PDS5B: variants seen among roughly 807,000 people sequenced by gnomAD.
The protein encoded by PDS5B is sister chromatid cohesion protein PDS5 homolog B.
In PDS5B, 51 loss-of-function variants were observed where a neutral mutation model predicts 184.1. That is an observed-to-expected ratio of 0.28 (90% confidence interval 0.22 to 0.35). PDS5B has a LOEUF of 0.35. Ranked by LOEUF, PDS5B falls within the 10% of genes least tolerant of loss-of-function variation. The pLI, the probability that PDS5B is intolerant of heterozygous loss-of-function variation, is 1.00. For synonymous variants in PDS5B, 566 were observed against 569.2 expected (o/e 0.99, Z 0.08); for missense variants, 1,180 against 1,723.3 (o/e 0.68, Z 5.58).
At chr13:32,648,962 G>C (rs2140655181) in intron 2 of PDS5B, 82 bp downstream of exon 2, 1 of 749,784 alleles carries the variant, frequency 1.3e-6, no homozygotes, top group Non-Finnish European at 2.4e-6. Flanking sequence ...AATGTATCTT[G>C]TTGGGGTAAC....
At chr13:32,758,261 T>G in intron 27 of PDS5B, 42 bp downstream of exon 27, 2 of 1,414,632 alleles carry the variant, frequency 1.4e-6, no homozygotes, top group Non-Finnish European at 1.9e-6. Context: ...CATATTGATT[T>G]AAAAATTTAG....
intron 20 of PDS5B, among the ~76,000 whole-genome samples, chr13:32,732,470 T>C (rs1315475551): frequency 6.6e-6 from 1 of 152,018 alleles, no homozygotes; most frequent in African/African-American, 2.4e-5. Flanking sequence ...TATATTTGTA[T>C]TTGGAGACTA....
In PDS5B at chr13:32,672,736, A is replaced by G. The variant is rs143414872; in HGVS notation, c.706-480A>G. 3.0e-4 allele frequency among the ~76,000 whole-genome samples: 45 copies of G among 152,234 alleles called. 1 individual carries two copies. The East Asian group carries it at 3.3e-3, about 11-fold the overall frequency. ...TCACTTTCCTTTGCCTTTTTGTTCT[A>G]TTGGGCCTTCCAGCCTATTTGGATG... On this transcript the variant is annotated intron_variant, in intron 7 of 34. Coordinates refer to ENST00000315596, the MANE Select transcript of PDS5B (RefSeq NM_015032.4).
intron 1 of PDS5B, among the ~76,000 whole-genome samples, chr13:32,591,728 T>G (rs1039891942): frequency 9.2e-5 from 14 of 152,164 alleles, no homozygotes; most frequent in Admixed American, 2.6e-4. Context: ...AACATTTGTT[T>G]ATATGCTTAT....
chr13:32,623,699 T>A (rs2058332602), intron 1 of PDS5B, among the ~76,000 whole-genome samples: 1 of 152,168 alleles, frequency 6.6e-6, no homozygotes, highest in East Asian at 1.9e-4. Flanking sequence ...TCCCTTTTCT[T>A]TGCTTGCATT....
intron 1 of PDS5B, among the ~76,000 whole-genome samples, chr13:32,600,392 T>A (rs1177289483): frequency 6.6e-6 from 1 of 152,196 alleles, no homozygotes; most frequent in African/African-American, 2.4e-5. Context: ...AGTGGCTGAT[T>A]ATATTGAATT....
chr13:32,774,924 C>A, intron 34 of PDS5B, 93 bp from the exon 35 acceptor site: 1 of 1,180,686 alleles, frequency 8.5e-7, no homozygotes, highest in Non-Finnish European at 1.2e-6. Flanking sequence ...AAATCAGGAA[C>A]AAATGAGAAT....
intron 30 of PDS5B, chr13:32,763,509 C>G (rs1954481255): frequency 6.6e-6 from 1 of 151,936 alleles, no homozygotes; most frequent in Non-Finnish European, 1.5e-5. Flanking sequence ...TCTAACTAAC[C>G]ATGAGCAATC....
chr13:32,734,986 A>G (rs1414779889), intron 20 of PDS5B, among the ~76,000 whole-genome samples, 186 bp from the exon 21 acceptor site: 1 of 152,242 alleles, frequency 6.6e-6, no homozygotes, highest in African/African-American at 2.4e-5. Context: ...GATAACCTAT[A>G]GAAGTCTAAA....
chr13:32,718,857 A>G (rs906919386), intron 19 of PDS5B, among the ~76,000 whole-genome samples: 6 of 152,230 alleles, frequency 3.9e-5, no homozygotes, highest in African/African-American at 1.4e-4. Context: ...AAAGTATACA[A>G]GAAATTTGCA....
At chr13:32,652,118 C>A in intron 3 of PDS5B, 111 bp downstream of exon 3, 1 of 724,828 alleles carries the variant, frequency 1.4e-6, no homozygotes, top group Non-Finnish European at 2.4e-6. Flanking sequence ...TTGACATTAG[C>A]TACAGTAATC....
At chr13:32,721,339 C>T (rs369857616) in intron 19 of PDS5B, among the ~76,000 whole-genome samples, 78 of 150,580 alleles carry the variant, frequency 5.2e-4, no homozygotes, top group East Asian at 1.4e-3. Context: ...GGGCGGCTGC[C>T]GGGCGAGGGC....
At chr13:32,734,918 C>G (rs536442719) in intron 20 of PDS5B, among the ~76,000 whole-genome samples, 1 of 152,130 alleles carries the variant, frequency 6.6e-6, no homozygotes, top group Non-Finnish European at 1.5e-5. Context: ...CTTTACCCTA[C>G]CTCTAAACTG....
rs368080614 is a variant in PDS5B at position 32,775,097 on chromosome 13, C to CTT, written c.*59_*60dup. ...TTCTCTGTGAAAGCTTTGGAAAAAT[C>CTT]TTTTTTTTTTTTTTTGGTCAAGCTT... On this transcript the variant is annotated 3_prime_UTR_variant, in exon 35 of 35. Coordinates refer to ENST00000315596, the MANE Select transcript of PDS5B (RefSeq NM_015032.4). 0.032 allele frequency: 26,875 copies of CTT among 829,720 alleles called. 781 individuals carry two copies. Among genetic ancestry groups the CTT allele is most frequent in the Middle Eastern group, 0.048 (143 of 2,958 alleles). The allele number at this position is 829,720 out of a possible 1,614,324, so 51.4% of individuals were successfully genotyped here.
At position 32,764,534 on chromosome 13, in the gene PDS5B, A is replaced by G. The variant is rs746536230; in HGVS notation, c.3564A>G (p.Thr1188=). ...ATCACAGTGAAAATGAAGATTACAC[A>G]ATGTCTTCACCTTTGCCGGGGAAAA... The part of the protein sequence containing the change: ...EMDHSENEDY[T]MSSPLPGKKS... The change falls in exon 31 of 35, where the codon ACA becomes ACG. Residue 1188 remains threonine, a synonymous_variant. Coordinates refer to ENST00000315596, the MANE Select transcript of PDS5B (RefSeq NM_015032.4). The G allele has an allele frequency of 1.1e-5, 17 of 1,606,938 alleles. No individual in the cohort carries two copies. Among genetic ancestry groups the G allele is most frequent in the African/African-American group, 2.7e-5 (2 of 74,750 alleles).
chr13:32,751,247 T>C (rs757105145), intron 24 of PDS5B, among the ~76,000 whole-genome samples: 4 of 152,212 alleles, frequency 2.6e-5, no homozygotes, highest in African/African-American at 4.8e-5. Context: ...CTTTATCCAG[T>C]GTACTGTTGA....
intron 1 of PDS5B, among the ~76,000 whole-genome samples, chr13:32,590,793 A>C (rs1245025577): frequency 6.6e-6 from 1 of 152,068 alleles, no homozygotes; most frequent in Non-Finnish European, 1.5e-5. Context: ...GCTTTCAGAT[A>C]TGGGATGCTT....
At chr13:32,635,022 T>A (rs1283908718) in intron 1 of PDS5B, among the ~76,000 whole-genome samples, 5 of 118,900 alleles carry the variant, frequency 4.2e-5, no homozygotes, top group Non-Finnish European at 9.4e-5. Flanking sequence ...TTTTTTTTTT[T>A]AAAGAGGCCG....
chr13:32,735,935 G>A (rs750030535), intron 21 of PDS5B, among the ~76,000 whole-genome samples: 1 of 152,028 alleles, frequency 6.6e-6, no homozygotes, highest in Non-Finnish European at 1.5e-5. Context: ...CCTGTCAGTT[G>A]TGTATTTTTC....
Sources: gnomAD v4.1 joint callset for allele counts (sites outside exome capture counted in the v4.1 genomes callset) on GRCh38, gnomAD v4.1.1 for gene constraint, MANE v1.5 for transcripts, NCBI Gene and HGNC (gene_info 2026-07-23, HGNC 2026-07-21) for gene names.